The following ASXL2 variants were observed in gnomAD, a reference collection of about 807,000 sequenced individuals.
ASXL2 encodes the protein putative Polycomb group protein ASXL2.
ASXL2 carries 23 observed loss-of-function variants against 122.0 expected under a neutral mutation model. That is an observed-to-expected ratio of 0.19 (90% confidence interval 0.14 to 0.27). The LOEUF is 0.27. ASXL2 is among the 10% of genes least tolerant of loss of function. ASXL2 has a pLI of 1.00. For missense variants in ASXL2, 1,518 were observed against 1,713.8 expected (o/e 0.89, Z 2.02); for synonymous variants, 650 against 637.0 (o/e 1.02, Z -0.31).
chr2:25,766,942 G>T (rs2088363641), intron 8 of ASXL2, among the ~76,000 whole-genome samples: 1 of 152,070 alleles, frequency 6.6e-6, no homozygotes, highest in Admixed American at 6.6e-5. Context: ...CAATTCTTGA[G>T]CCTTCCCGGT....
chr2:25,776,640 T>C (rs538684711), intron 5 of ASXL2, among the ~76,000 whole-genome samples: 122 of 152,348 alleles, frequency 8.0e-4, no homozygotes, highest in South Asian at 1.9e-3. Flanking sequence ...GCCACTTTCT[T>C]TATATCCTTG....
chr2:25,764,552 G>A (rs1192185546), intron 8 of ASXL2, among the ~76,000 whole-genome samples: 1 of 152,174 alleles, frequency 6.6e-6, no homozygotes, highest in Non-Finnish European at 1.5e-5. Flanking sequence ...GGTGGGTTGG[G>A]CAAACTTGCT....
At chr2:25,874,258 G>A (rs2089992909) in intron 1 of ASXL2, among the ~76,000 whole-genome samples, 1 of 152,150 alleles carries the variant, frequency 6.6e-6, no homozygotes, top group South Asian at 2.1e-4. Context: ...GGAGGCAGAG[G>A]TGGGCAGATC....
intron 5 of ASXL2, among the ~76,000 whole-genome samples, chr2:25,796,157 A>C (rs568319679): frequency 1.4e-4 from 21 of 152,336 alleles, no homozygotes; most frequent in Non-Finnish European, 2.9e-4. Context: ...GAGTAGCAAA[A>C]ACATTAACAG....
At chr2:25,770,027 C>T (rs908894047) in intron 6 of ASXL2, among the ~76,000 whole-genome samples, 10 of 152,206 alleles carry the variant, frequency 6.6e-5, no homozygotes, top group Non-Finnish European at 1.3e-4. Context: ...TTGATTATCG[C>T]TTATTCTCTC....
chr2:25,808,009 ACACACACACACACT>A (rs2089108994), intron 3 of ASXL2, among the ~76,000 whole-genome samples: 1 of 151,398 alleles, frequency 6.6e-6, no homozygotes, highest in East Asian at 1.9e-4. Flanking sequence ...ACACACACAC[ACACACACACACACT>A]CTCCACCCCA....
In ASXL2 at chr2:25,742,362, T is replaced by C. The variant is rs184151788; in HGVS notation, c.3975A>G (p.Pro1325=). Residue 1325 remains proline, a synonymous_variant, in exon 13 of 13, where the codon CCA becomes CCG. Coordinates refer to ENST00000435504, the MANE Select transcript of ASXL2 (RefSeq NM_018263.6). ...AGACATTGATCATGCCTCTATAGCT[T>C]GGCCCTATCTGGGTGGGGCTTCCAT... ...KLYGSPTQIG[P]SYRGMINVST... 2 of 1,432,726 alleles carry C rather than the reference T, an allele frequency of 1.4e-6. No homozygotes were observed. The highest frequency in any genetic ancestry group is 7.1e-5 in the East Asian group (2 of 28,020). 88.8% of individuals were successfully genotyped at this position (1,432,726 alleles called of 1,614,324 possible).
chr2:25,837,071 C>T (rs1162189489), intron 2 of ASXL2, among the ~76,000 whole-genome samples: 1 of 51,846 alleles, frequency 1.9e-5, no homozygotes, highest in Non-Finnish European at 3.5e-5. Flanking sequence ...GTTAAGGAAA[C>T]TCCAAAGGGG....
chr2:25,770,664 A>C (rs2088432983), intron 6 of ASXL2, among the ~76,000 whole-genome samples: 1 of 152,124 alleles, frequency 6.6e-6, no homozygotes, highest in South Asian at 2.1e-4. Flanking sequence ...CTGAGGCAGG[A>C]GAATTGCTTG....
intron 1 of ASXL2, among the ~76,000 whole-genome samples, chr2:25,858,452 C>T (rs1274380026): frequency 6.6e-6 from 1 of 151,410 alleles, no homozygotes; most frequent in Non-Finnish European, 1.5e-5. Context: ...TGGACAGGCA[C>T]AATGGCTCAC....
intron 3 of ASXL2, among the ~76,000 whole-genome samples, chr2:25,807,502 C>T (rs905249516): frequency 1.3e-5 from 2 of 152,118 alleles, no homozygotes; most frequent in African/African-American, 4.8e-5. Context: ...TCCATAGCTA[C>T]GTTTATCTGA....
intron 5 of ASXL2, among the ~76,000 whole-genome samples, chr2:25,796,833 G>A (rs1324865796): frequency 2.0e-5 from 3 of 152,140 alleles, no homozygotes; most frequent in African/African-American, 7.2e-5. Context: ...TCCTCATGTG[G>A]CTATTTAAAG....
chr2:25,817,145 C>T (rs1420644511), intron 3 of ASXL2, among the ~76,000 whole-genome samples: 1 of 151,958 alleles, frequency 6.6e-6, no homozygotes, highest in Non-Finnish European at 1.5e-5. Context: ...CTTAAGCCCG[C>T]AAGAACTCAG....
At chr2:25,868,982 T>C (rs1358697175) in intron 1 of ASXL2, among the ~76,000 whole-genome samples, 2 of 151,870 alleles carry the variant, frequency 1.3e-5, no homozygotes, top group Non-Finnish European at 2.9e-5. Flanking sequence ...CTGGCCAACA[T>C]GGTGAAACCC....
Position 25,734,806 on chromosome 2 carries a change from G to C in ASXL2, c.*7223C>G, listed in dbSNP as rs1225122486. 1 of 152,142 alleles carries C rather than the reference G, an allele frequency of 6.6e-6. No individual in the cohort carries two copies. The highest frequency in any genetic ancestry group is 1.5e-5 in the Non-Finnish European group (1 of 68,022). 9.4% of individuals were successfully genotyped at this position (152,142 alleles called of 1,614,324 possible). The stretch of plus-strand genomic sequence containing the variant: ...ATAGAAAACTATTCCTTATCCCACA[G>C]AATGTCTCAAATCAAACTCCAGGTT... On this transcript the variant is annotated 3_prime_UTR_variant, in exon 13 of 13. Transcript: ENST00000435504.
intron 3 of ASXL2, among the ~76,000 whole-genome samples, chr2:25,815,115 A>G (rs1013260851): frequency 1.3e-5 from 2 of 152,204 alleles, no homozygotes; most frequent in African/African-American, 4.8e-5. Flanking sequence ...TCTCACCCTC[A>G]CATACAACTA....
At chr2:25,762,666 A>AAG (rs1491263446) in intron 8 of ASXL2, among the ~76,000 whole-genome samples, 1 of 37,654 alleles carries the variant, frequency 2.7e-5, no homozygotes, top group African/African-American at 1.0e-4. Flanking sequence ...CTCTTTCTCG[A>AAG]AAAAAAAAAA....
chr2:25,806,316 G>A lies in ASXL2; in HGVS notation c.165C>T (p.Cys55=). 1 of 1,612,134 alleles carries A rather than the reference G, an allele frequency of 6.2e-7. No individual in the cohort carries two copies. The highest frequency in any genetic ancestry group is 1.7e-5 in the Admixed American group (1 of 59,810). The change falls in exon 4 of 13, where the codon TGC becomes TGT. Residue 55 remains cysteine (C), a synonymous_variant. Coordinates refer to ENST00000435504, the MANE Select transcript of ASXL2 (RefSeq NM_018263.6). The part of the protein sequence containing the change: ...EIRSGTSPLA[C]LNAMLHTNSR... ...AGTTTGTGTGAAGCATTGCATTCAG[G>A]CATGCAAGAGGAGAAGTCCCACTGC... is the stretch of plus-strand genomic sequence containing the variant.
chr2:25,848,675 T>G (rs1487978292), intron 1 of ASXL2, among the ~76,000 whole-genome samples: 1 of 152,040 alleles, frequency 6.6e-6, no homozygotes, highest in Non-Finnish European at 1.5e-5. Context: ...CCAAAAATTA[T>G]GTCTTTTTAG....
Sources: gnomAD v4.1 joint callset for allele counts (sites outside exome capture counted in the v4.1 genomes callset) on GRCh38, gnomAD v4.1.1 for gene constraint, MANE v1.5 for transcripts, NCBI Gene and HGNC (gene_info 2026-07-23, HGNC 2026-07-21) for gene names.